CLTRN: variants seen among roughly 807,000 people sequenced by gnomAD.
CLTRN encodes the protein collectrin, amino acid transport regulator.
CLTRN carries 12 observed loss-of-function variants against 14.5 expected under a neutral mutation model. The ratio of observed to expected loss-of-function variants is 0.83; its 90% CI spans 0.53 to 1.34. The LOEUF (loss-of-function observed/expected upper bound fraction) is 1.34, where lower values mean the gene tolerates loss of function less well. CLTRN is among the 40% of genes most tolerant of loss of function. CLTRN has a pLI of 0.00. For missense variants in CLTRN, 154 were observed against 165.1 expected, an observed-to-expected ratio of 0.93 and a Z score of 0.37; for synonymous variants, 58 against 56.5, an observed-to-expected ratio of 1.03 and a Z score of -0.12.
intron 2 of CLTRN, among the ~76,000 whole-genome samples, chrX:15,660,859 G>GA (rs1210329341): frequency 9.0e-6 from 1 of 110,744 alleles, no homozygotes; most frequent in Non-Finnish European, 1.9e-5. Context: ...AATGGAAATG[G>GA]AAAAATCACT....
chrX:15,660,049 A>ATTTCT (rs1601736097), intron 2 of CLTRN, among the ~76,000 whole-genome samples: 1 of 111,704 alleles, frequency 9.0e-6, no homozygotes, highest in Non-Finnish European at 1.9e-5. Context: ...GAAGGGAGAA[A>ATTTCT]GTAGCAAAAG....
At chrX:15,652,764 A>G (rs1929251489) in intron 3 of CLTRN, among the ~76,000 whole-genome samples, 1 of 112,027 alleles carries the variant, frequency 8.9e-6, no homozygotes, top group African/African-American at 3.2e-5. Context: ...GACCCCTAAC[A>G]ATATGTACAA....
At chrX:15,664,511 T>G in intron 1 of CLTRN, 116 bp from the exon 2 acceptor site, 1 of 687,125 alleles carries the variant, frequency 1.5e-6, no homozygotes, top group Non-Finnish European at 2.2e-6. Flanking sequence ...GAACTACAAT[T>G]AAACAGCCCC....
At chrX:15,664,250 T>C in intron 2 of CLTRN, 87 bp downstream of exon 2, 1 of 597,245 alleles carries the variant, frequency 1.7e-6, no homozygotes, top group South Asian at 3.3e-5. Flanking sequence ...AAGATTAAGG[T>C]AACTATGCAG....
intron 2 of CLTRN, 118 bp downstream of exon 2, chrX:15,664,219 G>A: frequency 2.1e-6 from 1 of 472,427 alleles, no homozygotes. Context: ...CAGATTTGAG[G>A]TCTTTAGAAA....
At position 15,631,496 on chromosome X, in the gene CLTRN, T is replaced by C. The variant is rs376600114; in HGVS notation, c.513-3369A>G. On this transcript the variant is annotated intron_variant, in intron 5 of 5. Coordinates refer to ENST00000380342, the MANE Select transcript of CLTRN (RefSeq NM_020665.6). ...ATAACAAAGAGCTAGACGTATGTGA[T>C]GATCATTACAAGGAATCTCGCTTCC... Among the ~76,000 whole-genome samples the C allele has an allele frequency of 3.6e-5, 4 of 112,307 alleles. No homozygotes were observed. The East Asian group carries it at 8.3e-4, about 23-fold the overall frequency.
chrX:15,659,805 A>G (rs1225069480), intron 2 of CLTRN, among the ~76,000 whole-genome samples: 2 of 111,800 alleles, frequency 1.8e-5, no homozygotes, highest in Non-Finnish European at 3.8e-5. Flanking sequence ...CTTCCTTCAC[A>G]GCCCTCAGAA....
At chrX:15,665,864 A>T (rs1181429067), upstream of CLTRN, among the ~76,000 whole-genome samples, 2 of 111,969 alleles carry the variant, frequency 1.8e-5, no homozygotes, top group Admixed American at 9.5e-5. Flanking sequence ...CGTTGAAGTC[A>T]TTGGCAGCAA....
At chrX:15,670,924 G>A (rs1195427325) in intron 1 of CLTRN, among the ~76,000 whole-genome samples, 1 of 72,234 alleles carries the variant, frequency 1.4e-5, no homozygotes, top group African/African-American at 5.9e-5. Context: ...GTGTGTGTGT[G>A]TGTGTGTGTG....
chrX:15,653,180 GT>G (rs1175240675), intron 3 of CLTRN, among the ~76,000 whole-genome samples: 7 of 110,895 alleles, frequency 6.3e-5, no homozygotes, highest in African/African-American at 2.3e-4. Flanking sequence ...GAAGTTTGGG[GT>G]TTTTTTTCCT....
At chrX:15,673,879 AGCTGT>A (rs1929764990) in intron 1 of CLTRN, among the ~76,000 whole-genome samples, 3 of 112,373 alleles carry the variant, frequency 2.7e-5, no homozygotes, top group Non-Finnish European at 5.6e-5. Context: ...TTGTGAAGGG[AGCTGT>A]ACTAACTGCT....
upstream of CLTRN, among the ~76,000 whole-genome samples, chrX:15,667,726 T>G (rs1265518281): frequency 8.9e-6 from 1 of 111,830 alleles, no homozygotes; most frequent in Non-Finnish European, 1.9e-5. Flanking sequence ...GTTTGTTGTT[T>G]TTTTTTAATA....
chrX:15,658,836 G>T (rs1434953613), intron 3 of CLTRN, among the ~76,000 whole-genome samples, 180 bp downstream of exon 3: 2 of 110,146 alleles, frequency 1.8e-5, no homozygotes, highest in African/African-American at 6.6e-5. Context: ...AGCATTGTTG[G>T]AACATGATAT....
At chrX:15,651,300 C>T (rs1929209334) in intron 3 of CLTRN, among the ~76,000 whole-genome samples, 1 of 111,389 alleles carries the variant, frequency 9.0e-6, no homozygotes, top group Admixed American at 9.5e-5. Context: ...CAGCGGCCTT[C>T]AGATTCCGTG....
At chrX:15,628,495 T>C (rs777898646) in intron 5 of CLTRN, among the ~76,000 whole-genome samples, 2 of 112,275 alleles carry the variant, frequency 1.8e-5, no homozygotes, top group Non-Finnish European at 3.8e-5. Flanking sequence ...AGAAAATGCA[T>C]AGTAAATTCG....
chrX:15,652,613 G>A (rs1163653462), intron 3 of CLTRN, among the ~76,000 whole-genome samples: 2 of 111,253 alleles, frequency 1.8e-5, no homozygotes, highest in Non-Finnish European at 3.8e-5. Context: ...TGTTGTTGTT[G>A]TTGTTGTTTT....
At chrX:15,637,654 C>T (rs1421093583) in intron 5 of CLTRN, among the ~76,000 whole-genome samples, 1 of 111,703 alleles carries the variant, frequency 9.0e-6, no homozygotes, top group Non-Finnish European at 1.9e-5. Context: ...GATAGCTGAT[C>T]CCAATACAAA....
intron 2 of CLTRN, among the ~76,000 whole-genome samples, chrX:15,662,837 C>T (rs951554942): frequency 1.8e-5 from 2 of 111,190 alleles, no homozygotes; most frequent in Admixed American, 9.6e-5. Context: ...TTGAACCCTC[C>T]CTACATCTCA....
Position 15,639,568 on chromosome X carries a change from C to T in CLTRN, c.506G>A (p.Arg169His), listed in dbSNP as rs772800840. Residue 169 changes from arginine to histidine, a missense_variant, in exon 5 of 6, where the codon CGT becomes CAT. Coordinates refer to ENST00000380342, the MANE Select transcript of CLTRN (RefSeq NM_020665.6). Reference protein sequence around the residue: ...ALLILSGIWQRRRKNKEPSEV... With the variant: ...ALLILSGIWQHRRKNKEPSEV... The stretch of plus-strand genomic sequence containing the variant: ...CTCCTTTTAAATATCTTACCTTCTA[C>T]GTTGCCAGATCCCTGATAAAATCAG... 10 of 1,202,366 alleles carry T rather than the reference C, an allele frequency of 8.3e-6. No individual in the cohort carries two copies. The highest frequency in any genetic ancestry group is 4.6e-4 in the Middle Eastern group (2 of 4,343).
Sources: allele counts gnomAD v4.1 joint callset (sites outside exome capture counted in the v4.1 genomes callset), GRCh38; gene constraint gnomAD v4.1.1; transcripts MANE v1.5; gene names NCBI Gene and HGNC (gene_info 2026-07-23, HGNC 2026-07-21).